The following HSD17B12 variants were observed in gnomAD, a reference collection of about 807,000 sequenced individuals.
HSD17B12 encodes the protein hydroxysteroid 17-beta dehydrogenase 12.
In HSD17B12, 32 loss-of-function variants were observed where a neutral mutation model predicts 39.3. The observed-to-expected ratio is 0.81, with a 90% confidence interval of 0.61 to 1.09. The LOEUF (loss-of-function observed/expected upper bound fraction) is 1.09. HSD17B12 is among the 50% of genes least tolerant of loss of function. HSD17B12 has a pLI of 0.00. For synonymous variants in HSD17B12, 150 were observed against 146.7 expected, an observed-to-expected ratio of 1.02 and a Z score of -0.16; for missense variants, 342 against 382.9, an observed-to-expected ratio of 0.89 and a Z score of 0.89.
At chr11:43,852,203 T>G (rs973957398) in intron 9 of HSD17B12, 15 of 152,188 alleles carry the variant, frequency 9.9e-5, no homozygotes, top group African/African-American at 3.6e-4. Context: ...AGCTCTATGG[T>G]TTAGCTGCAT....
chr11:43,785,431 T>C (rs1950806909), intron 3 of HSD17B12, among the ~76,000 whole-genome samples: 1 of 152,238 alleles, frequency 6.6e-6, no homozygotes, highest in African/African-American at 2.4e-5. Flanking sequence ...ATTTACTTGC[T>C]TGATGAGTCC....
At chr11:43,656,072 T>C in the HSD17B12 span, among the ~76,000 whole-genome samples, 1 of 152,200 alleles carries the variant, frequency 6.6e-6, no homozygotes, top group African/African-American at 2.4e-5. Flanking sequence ...AATTATTGCC[T>C]CAATTTCAGA....
chr11:43,769,338 G>A (rs576979525), intron 3 of HSD17B12, among the ~76,000 whole-genome samples: 1 of 152,312 alleles, frequency 6.6e-6, no homozygotes, highest in East Asian at 1.9e-4. Context: ...TCTAAAACAA[G>A]CTTTGATTAA....
At chr11:43,592,102 T>G in the HSD17B12 span, among the ~76,000 whole-genome samples, 3 of 152,254 alleles carry the variant, frequency 2.0e-5, no homozygotes, top group East Asian at 5.8e-4. Context: ...AGTTTATGTT[T>G]TAACACTAGG....
chr11:43,752,861 G>A (rs1311155599), intron 2 of HSD17B12, among the ~76,000 whole-genome samples: 1 of 151,776 alleles, frequency 6.6e-6, no homozygotes, highest in African/African-American at 2.4e-5. Context: ...TTTTTTAGTG[G>A]TGTTATAACA....
At chr11:43,636,767 G>C in the HSD17B12 span, among the ~76,000 whole-genome samples, 1 of 151,972 alleles carries the variant, frequency 6.6e-6, no homozygotes, top group Admixed American at 6.6e-5. Flanking sequence ...CTTTTTGTTT[G>C]TTTGTTTAAT....
At chr11:43,691,799 A>G (rs1949865449) in intron 1 of HSD17B12, among the ~76,000 whole-genome samples, 1 of 152,212 alleles carries the variant, frequency 6.6e-6, no homozygotes, top group Non-Finnish European at 1.5e-5. Context: ...TGTCCCAGAC[A>G]TGCCTGTGCT....
intron 4 of HSD17B12, among the ~76,000 whole-genome samples, chr11:43,812,649 T>C (rs1054317735): frequency 2.6e-5 from 4 of 152,370 alleles, no homozygotes; most frequent in Admixed American, 6.5e-5. Context: ...TTTGCAAATA[T>C]ATTCTTCCAT....
At chr11:43,615,033 C>G in the HSD17B12 span, among the ~76,000 whole-genome samples, 4 of 152,000 alleles carry the variant, frequency 2.6e-5, no homozygotes, top group South Asian at 4.1e-4. Context: ...TCATCATGCA[C>G]TAGACATTGT....
chr11:43,823,635 T>C (rs959243867), intron 6 of HSD17B12, among the ~76,000 whole-genome samples: 1 of 152,112 alleles, frequency 6.6e-6, no homozygotes. Flanking sequence ...GTAAGCACCA[T>C]GAGGGTTGGT....
the HSD17B12 span, among the ~76,000 whole-genome samples, chr11:43,615,666 C>T: frequency 6.6e-6 from 1 of 152,126 alleles, no homozygotes; most frequent in East Asian, 1.9e-4. Context: ...CACATTTTTT[C>T]CCCCTGACTG....
intron 1 of HSD17B12, among the ~76,000 whole-genome samples, chr11:43,702,282 A>T (rs781238325): frequency 6.6e-6 from 1 of 152,184 alleles, no homozygotes; most frequent in Admixed American, 6.5e-5. Context: ...AAACAAGGAT[A>T]ATTTGACTTC....
chr11:43,791,206 C>T (rs2135030943), intron 3 of HSD17B12, among the ~76,000 whole-genome samples: 1 of 152,232 alleles, frequency 6.6e-6, no homozygotes, highest in East Asian at 1.9e-4. Context: ...CTAGCAGTAG[C>T]ATCTTGGAAT....
intron 1 of HSD17B12, among the ~76,000 whole-genome samples, chr11:43,710,644 T>C (rs1950056753): frequency 6.6e-6 from 1 of 152,196 alleles, no homozygotes; most frequent in Non-Finnish European, 1.5e-5. Context: ...TAGAGGGTGC[T>C]TAATGAGCAC....
the HSD17B12 span, among the ~76,000 whole-genome samples, chr11:43,608,089 C>T: frequency 6.6e-6 from 1 of 152,236 alleles, no homozygotes; most frequent in Admixed American, 6.5e-5. Context: ...AAAAATAAGG[C>T]CAGGTGCGGT....
chr11:43,580,605 G>T, the HSD17B12 span, among the ~76,000 whole-genome samples: 1 of 151,936 alleles, frequency 6.6e-6, no homozygotes, highest in African/African-American at 2.4e-5. Flanking sequence ...GTCATTTTTC[G>T]TCTGGATCTT....
intron 6 of HSD17B12, among the ~76,000 whole-genome samples, chr11:43,822,207 A>G (rs1232600262): frequency 6.6e-6 from 1 of 152,168 alleles, no homozygotes; most frequent in Admixed American, 6.5e-5. Context: ...AAATATATTA[A>G]CAGCCTCCAC....
At chr11:43,826,273 C>T (rs530237421) in intron 6 of HSD17B12, among the ~76,000 whole-genome samples, 6 of 151,904 alleles carry the variant, frequency 3.9e-5, no homozygotes, top group African/African-American at 1.2e-4. Flanking sequence ...TTAGTAGAGA[C>T]GGAGTTTCAC....
At chr11:43,818,605 T>C (rs188078987) in intron 6 of HSD17B12, among the ~76,000 whole-genome samples, 7 of 152,192 alleles carry the variant, frequency 4.6e-5, no homozygotes, top group Admixed American at 3.9e-4. Context: ...TTTAAGGAAA[T>C]TCAAAGCATG....
Sources: allele counts gnomAD v4.1 joint callset (sites outside exome capture counted in the v4.1 genomes callset), GRCh38; gene constraint gnomAD v4.1.1; transcripts MANE v1.5; gene names NCBI Gene and HGNC (gene_info 2026-07-23, HGNC 2026-07-21).